The following KIF5B variants were observed in gnomAD, a reference collection of about 807,000 sequenced individuals.
KIF5B encodes kinesin-1 heavy chain.
Under a neutral mutation model 132.8 loss-of-function variants are expected in KIF5B, and 49 were observed. The ratio of observed to expected loss-of-function variants is 0.37; its 90% CI spans 0.29 to 0.47. The LOEUF is 0.47. Ranked by LOEUF, KIF5B falls within the 20% of genes least tolerant of loss-of-function variation. KIF5B has a pLI of 1.00. For missense variants in KIF5B, 780 were observed against 1,144.0 expected (o/e 0.68, Z 4.59); for synonymous variants, 355 against 369.4 (o/e 0.96, Z 0.45).
chr10:32,016,518 TTTTGTTTG>T (rs199792200), intron 24 of KIF5B, among the ~76,000 whole-genome samples: 2 of 151,810 alleles, frequency 1.3e-5, no homozygotes, highest in Non-Finnish European at 2.9e-5. Flanking sequence ...CTGCACCAAT[TTTTGTTTG>T]TTTGTTTGTT....
chr10:32,026,039 G>C (rs1365480867), intron 15 of KIF5B, among the ~76,000 whole-genome samples: 1 of 152,088 alleles, frequency 6.6e-6, no homozygotes, highest in African/African-American at 2.4e-5. Flanking sequence ...CTAAATACCG[G>C]ACCTATAATA....
At chr10:32,050,591 G>C (rs1322045223) in intron 1 of KIF5B, among the ~76,000 whole-genome samples, 6 of 152,182 alleles carry the variant, frequency 3.9e-5, no homozygotes, top group Non-Finnish European at 7.3e-5. Flanking sequence ...TTTGTTATGT[G>C]AGAAAAACAT....
chr10:32,022,820 AAT>A (rs1564464098), intron 16 of KIF5B, 26 bp downstream of exon 16: 1 of 1,458,118 alleles, frequency 6.9e-7, no homozygotes, highest in South Asian at 1.5e-5. Flanking sequence ...GTTTCAAAAA[AAT>A]GAATAAACTT....
rs201556800 is a variant in KIF5B at position 32,021,147 on chromosome 10, G to A, written c.2095-16C>T. The stretch of plus-strand genomic sequence containing the variant: ...CAACAGCTTGCTAAAATTTTGGGGG[G>A]GAAAAGGATGTTAAAGTCAGACTAA... On this transcript the variant is annotated splice_polypyrimidine_tract_variant and intron_variant, in intron 18 of 25. Coordinates refer to ENST00000302418, the MANE Select transcript of KIF5B (RefSeq NM_004521.3). The A allele has an allele frequency of 1.3e-4, 204 of 1,608,682 alleles. 1 individual carries two copies. The East Asian group carries it at 3.0e-3, about 24-fold the overall frequency.
At chr10:32,040,623 TAA>T (rs1336005095) in intron 2 of KIF5B, among the ~76,000 whole-genome samples, 166 bp from the exon 3 acceptor site, 9 of 48,328 alleles carry the variant, frequency 1.9e-4, no homozygotes, top group Non-Finnish European at 3.3e-4. Flanking sequence ...TAAAACACCC[TAA>T]AACACACACA....
intron 25 of KIF5B, among the ~76,000 whole-genome samples, chr10:32,014,405 G>C (rs1253352621): frequency 1.3e-5 from 2 of 151,946 alleles, no homozygotes; most frequent in Non-Finnish European, 2.9e-5. Flanking sequence ...GTGGGGCAGG[G>C]GGGTGTGGGG....
intron 15 of KIF5B, among the ~76,000 whole-genome samples, chr10:32,027,336 G>A (rs111533750): frequency 6.6e-6 from 1 of 152,200 alleles, no homozygotes; most frequent in African/African-American, 2.4e-5. Context: ...TTTGGTCTTA[G>A]TTTTTAAATC....
intron 14 of KIF5B, among the ~76,000 whole-genome samples, chr10:32,028,839 A>G (rs1841364509): frequency 6.6e-6 from 1 of 151,472 alleles, no homozygotes; most frequent in East Asian, 1.9e-4. Flanking sequence ...CTGGGATTGA[A>G]TAATATTTTC....
intron 2 of KIF5B, among the ~76,000 whole-genome samples, chr10:32,042,267 A>T (rs938429402): frequency 2.6e-5 from 4 of 152,232 alleles, no homozygotes; most frequent in African/African-American, 9.6e-5. Flanking sequence ...ACATTTATTA[A>T]TGAGAAAAAA....
intron 15 of KIF5B, 54 bp from the exon 16 acceptor site, chr10:32,023,090 T>C: frequency 1.0e-6 from 1 of 999,534 alleles, no homozygotes; most frequent in Non-Finnish European, 1.4e-6. Context: ...CAATGTGTGT[T>C]TTCCCAATTA....
intron 2 of KIF5B, among the ~76,000 whole-genome samples, chr10:32,041,319 A>C (rs1841536228): frequency 6.6e-6 from 1 of 152,200 alleles, no homozygotes. Flanking sequence ...CCATCTAAGC[A>C]ATTTTCTCTG....
chr10:32,050,810 A>G (rs1841683730), intron 1 of KIF5B, among the ~76,000 whole-genome samples: 2 of 152,224 alleles, frequency 1.3e-5, no homozygotes, highest in South Asian at 4.1e-4. Context: ...GGTGTGACTA[A>G]AAGAAATCTA....
At position 32,010,022 on chromosome 10, in the gene KIF5B, A is replaced by C. The variant is rs918459412; in HGVS notation, c.*1515T>G. ...ACAATAGTTACGGAAATAGAAAAATAAGCCAATTATGATCTGAGTCTTCTG... is the reference window on the plus strand; with the variant it reads ...ACAATAGTTACGGAAATAGAAAAATCAGCCAATTATGATCTGAGTCTTCTG... On this transcript the variant is annotated 3_prime_UTR_variant, in exon 26 of 26. Coordinates refer to ENST00000302418, the MANE Select transcript of KIF5B (RefSeq NM_004521.3). 6.6e-6 allele frequency: 1 copy of C among 152,210 alleles called. No homozygotes were observed. Among genetic ancestry groups the C allele is most frequent in the Admixed American group, 6.5e-5 (1 of 15,286 alleles). The allele number at this position is 152,210 out of a possible 1,614,324, so 9.4% of individuals were successfully genotyped here. A position where few individuals can be genotyped will look rare whatever the true frequency, so the allele number is the denominator to read the frequency against.
chr10:32,028,049 T>C (rs1841355390), intron 15 of KIF5B, among the ~76,000 whole-genome samples: 1 of 152,084 alleles, frequency 6.6e-6, no homozygotes, highest in African/African-American at 2.4e-5. Flanking sequence ...TGCAGCTCAC[T>C]GCAGCCTTGA....
At chr10:32,016,793 C>A (rs1841175391) in intron 24 of KIF5B, among the ~76,000 whole-genome samples, 1 of 152,236 alleles carries the variant, frequency 6.6e-6, no homozygotes, top group East Asian at 1.9e-4. Flanking sequence ...GCCTCGACCT[C>A]CCAAAGTGTT....
rs76583888 is a variant in KIF5B at position 32,030,010 on chromosome 10, A to G, written c.1581+1063T>C. Reference sequence around the variant, plus strand: ...ACTGTTGACTGCTTTCTTTTAGACAAGTTAATGTGAGCAGGGAAATAAGTG... The same window carrying G: ...ACTGTTGACTGCTTTCTTTTAGACAGGTTAATGTGAGCAGGGAAATAAGTG... On this transcript the variant is annotated intron_variant, in intron 14 of 25. Coordinates refer to ENST00000302418, the MANE Select transcript of KIF5B (RefSeq NM_004521.3). Among the ~76,000 whole-genome samples the G allele has an allele frequency of 9.1e-3, 1,388 of 152,338 alleles. 12 individuals carry two copies. The highest frequency in any genetic ancestry group is 0.032 in the African/African-American group (1,320 of 41,566).
intron 2 of KIF5B, among the ~76,000 whole-genome samples, chr10:32,042,923 G>C: frequency 6.6e-6 from 1 of 152,076 alleles, no homozygotes; most frequent in Non-Finnish European, 1.5e-5. Context: ...CTTACAATGA[G>C]TCAGGTTCTA....
intron 15 of KIF5B, among the ~76,000 whole-genome samples, chr10:32,026,995 TTTG>T (rs747142652): frequency 1.3e-5 from 2 of 152,166 alleles, no homozygotes; most frequent in Non-Finnish European, 2.9e-5. Flanking sequence ...TAACTTTTAT[TTTG>T]TTGATTTTAT....
In KIF5B at chr10:32,019,902, C is replaced by G; in HGVS notation, c.2262G>C (p.Leu754Phe). 1 of 1,612,376 alleles carries G rather than the reference C, an allele frequency of 6.2e-7. No individual in the cohort carries two copies. The change falls in exon 20 of 26, where the codon TTG becomes TTC. Residue 754 changes from leucine to phenylalanine, a missense_variant. By Grantham distance (22) the Leu-to-Phe change is conservative. Transcript: ENST00000302418. The part of the protein sequence containing the change: ...QERLRVEHEK[L>F]KATDQEKSRK... ...TGCTCTTTTCCTGATCTGTGGCTTTCAACTTCTCATGTTCTACTCTTAGAC... is the reference window on the plus strand; with the variant it reads ...TGCTCTTTTCCTGATCTGTGGCTTTGAACTTCTCATGTTCTACTCTTAGAC...
Sources: gnomAD v4.1 joint callset for allele counts (sites outside exome capture counted in the v4.1 genomes callset) on GRCh38, gnomAD v4.1.1 for gene constraint, MANE v1.5 for transcripts, NCBI Gene and HGNC (gene_info 2026-07-23, HGNC 2026-07-21) for gene names.